The following CLINT1 variants were observed in gnomAD, a reference collection of about 807,000 sequenced individuals.
CLINT1 encodes clathrin interacting protein localized in the trans-Golgi region.
A neutral mutation model predicts 70.4 loss-of-function variants in CLINT1; 15 were observed. That is an observed-to-expected ratio of 0.21 (90% confidence interval 0.14 to 0.33). The LOEUF (loss-of-function observed/expected upper bound fraction) is 0.33. CLINT1 is among the 10% of genes least tolerant of loss of function. The pLI, the probability that CLINT1 is intolerant of heterozygous loss-of-function variation, is 1.00. For missense variants in CLINT1, 615 were observed against 778.1 expected (o/e 0.79, Z 2.49); for synonymous variants, 227 against 254.7 (o/e 0.89, Z 1.04).
chr5:157,850,612 CAAAAAA>C (rs67243040), intron 1 of CLINT1, among the ~76,000 whole-genome samples: 4 of 60,366 alleles, frequency 6.6e-5, no homozygotes, highest in African/African-American at 2.8e-4. Flanking sequence ...GACCCTGTCT[CAAAAAA>C]AAAAAAAAAA....
In CLINT1 at chr5:157,787,824, C is replaced by A; in HGVS notation, c.1700G>T (p.Gly567Val). The change falls in exon 12 of 12, where the codon GGA (glycine) becomes GTA (valine). Residue 567 changes from glycine to valine, a missense_variant. This residue lies in a region of CLINT1 where 374 missense variants were observed against 409.6 expected (regional missense o/e 0.91). Transcript: ENST00000411809. ...GCTCTGGTTCATCATCGGAGTATTT[C>A]CAAGAGGGGCCATTCCCATGGTGCC... ...MTGTMGMAPL[G>V]NTPMMNQSMM... 1 of 1,613,932 alleles carries A rather than the reference C, an allele frequency of 6.2e-7. No homozygotes were observed.
At position 157,787,880 on chromosome 5, in the gene CLINT1, G is replaced by A; in HGVS notation, c.1644C>T (p.Pro548=). The change falls in exon 12 of 12, where the codon CCC becomes CCT. Residue 548 remains proline, a synonymous_variant. Coordinates refer to ENST00000411809, the MANE Select transcript of CLINT1 (RefSeq NM_014666.4). Reference sequence around the variant, plus strand: ...TCACATTGGGCATGCTCATAGGCATGGGTCCCCCTATCAAAGCATTAGTTT... The same window carrying A: ...TCACATTGGGCATGCTCATAGGCATAGGTCCCCCTATCAAAGCATTAGTTT... The part of the protein sequence containing the change: ...RPQTNALIGG[P]MPMSMPNVMT... The A allele has an allele frequency of 6.2e-7, 1 of 1,613,838 alleles. No individual in the cohort carries two copies. The highest frequency in any genetic ancestry group is 8.5e-7 in the Non-Finnish European group (1 of 1,179,806).
At chr5:157,811,929 C>T (rs1342917449) in intron 5 of CLINT1, among the ~76,000 whole-genome samples, 1 of 151,964 alleles carries the variant, frequency 6.6e-6, no homozygotes, top group East Asian at 1.9e-4. Context: ...AACTTCAAAA[C>T]ATTATTTATA....
chr5:157,811,048 TAAA>T (rs1030334574), intron 5 of CLINT1, among the ~76,000 whole-genome samples: 1 of 152,142 alleles, frequency 6.6e-6, no homozygotes, highest in African/African-American at 2.4e-5. Context: ...ATGGTTTTTT[TAAA>T]AAAAGTGATT....
chr5:157,849,969 G>A (rs967940869), intron 1 of CLINT1, among the ~76,000 whole-genome samples: 8 of 152,228 alleles, frequency 5.3e-5, no homozygotes, highest in Non-Finnish European at 8.8e-5. Flanking sequence ...AGAGGCAGGA[G>A]ATGAATACAT....
At chr5:157,792,198 A>G (rs987234071) in intron 9 of CLINT1, among the ~76,000 whole-genome samples, 7 of 152,078 alleles carry the variant, frequency 4.6e-5, no homozygotes, top group African/African-American at 1.7e-4. Context: ...AAACCTCCCA[A>G]ATATAACGTA....
chr5:157,820,722 ATCCC>A (rs1430707314), intron 1 of CLINT1, among the ~76,000 whole-genome samples: 1 of 152,206 alleles, frequency 6.6e-6, no homozygotes, highest in African/African-American at 2.4e-5. Context: ...AAAGAAAACA[ATCCC>A]TCCGTGTTAA....
chr5:157,837,814 T>C (rs920360068), intron 1 of CLINT1, among the ~76,000 whole-genome samples: 3 of 151,852 alleles, frequency 2.0e-5, no homozygotes, highest in Non-Finnish European at 4.4e-5. Flanking sequence ...CTGCTAACTT[T>C]TGTGTTTTTA....
intron 1 of CLINT1, among the ~76,000 whole-genome samples, chr5:157,827,321 A>G (rs774776061): frequency 2.0e-5 from 3 of 152,190 alleles, no homozygotes; most frequent in Non-Finnish European, 4.4e-5. Flanking sequence ...TTATAGAAGC[A>G]AGGACTAAAA....
At chr5:157,808,179 G>T (rs1461788380) in intron 6 of CLINT1, among the ~76,000 whole-genome samples, 1 of 152,064 alleles carries the variant, frequency 6.6e-6, no homozygotes, top group Non-Finnish European at 1.5e-5. Context: ...TGTGGCCTGT[G>T]TAAGTTTTGG....
intron 8 of CLINT1, chr5:157,795,939 G>A (rs369183673): frequency 6.6e-6 from 1 of 152,478 alleles, no homozygotes; most frequent in Non-Finnish European, 1.5e-5. Context: ...GCTGAGGTGG[G>A]AGGACTGCTC....
At position 157,803,641 on chromosome 5, in the gene CLINT1, G is replaced by C; in HGVS notation, c.1012+9C>G. 6.7e-7 allele frequency: 1 copy of C among 1,484,552 alleles called. No individual in the cohort carries two copies. Among genetic ancestry groups the C allele is most frequent in the South Asian group, 1.5e-5 (1 of 67,196 alleles). The allele number at this position is 1,484,552 out of a possible 1,614,324, so 92.0% of individuals were successfully genotyped here. On this transcript the variant is annotated intron_variant, in intron 8 of 11. Coordinates refer to ENST00000411809, the MANE Select transcript of CLINT1 (RefSeq NM_014666.4). Reference sequence around the variant, plus strand: ...CAAACCAAAAGAAAAGGCCAATGTAGAAGCTTACCTGTTGACTGGCTGGTG... The same window carrying C: ...CAAACCAAAAGAAAAGGCCAATGTACAAGCTTACCTGTTGACTGGCTGGTG...
chr5:157,847,787 A>C (rs1453890266), intron 1 of CLINT1, among the ~76,000 whole-genome samples: 1 of 152,206 alleles, frequency 6.6e-6, no homozygotes, highest in Non-Finnish European at 1.5e-5. Flanking sequence ...CTGCCAGTGA[A>C]GAACATGGTT....
rs193279207 is a variant in CLINT1, at chr5:157,794,413, A to G, written c.1087+485T>C. 8.5e-5 allele frequency among the ~76,000 whole-genome samples: 13 copies of G among 152,350 alleles called. No homozygotes were observed. In the East Asian group the frequency reaches 1.5e-3, roughly 18 times the overall value. The stretch of plus-strand genomic sequence containing the variant: ...ATGAGAAAGTTTTGCATGAGGTTCA[A>G]CTGCTCATTTTAGGATATGTCAAAA... On this transcript the variant is annotated intron_variant, in intron 9 of 11. Transcript: ENST00000411809.
At chr5:157,855,642 A>G (rs1753734886) in intron 1 of CLINT1, among the ~76,000 whole-genome samples, 1 of 152,152 alleles carries the variant, frequency 6.6e-6, no homozygotes, top group Non-Finnish European at 1.5e-5. Flanking sequence ...CTTCCAGAAA[A>G]AGTCTTCAAG....
chr5:157,823,804 G>T, intron 1 of CLINT1: 1 of 481,920 alleles, frequency 2.1e-6, no homozygotes, highest in Non-Finnish European at 2.7e-6. Flanking sequence ...GGCCTGTTGG[G>T]AATGGGGCTG....
chr5:157,786,431 A>G lies in CLINT1; in HGVS notation c.*1215T>C, dbSNP rs1357752620. The G allele has an allele frequency of 1.3e-5, 2 of 152,578 alleles. No individual in the cohort carries two copies. The highest frequency in any genetic ancestry group is 2.9e-5 in the Non-Finnish European group (2 of 68,012). 9.5% of individuals were successfully genotyped at this position (152,578 alleles called of 1,614,324 possible). A position where few individuals can be genotyped will look rare whatever the true frequency, so the allele number is the denominator to read the frequency against. On this transcript the variant is annotated 3_prime_UTR_variant, in exon 12 of 12. Coordinates refer to ENST00000411809, the MANE Select transcript of CLINT1 (RefSeq NM_014666.4). ...TATCTATATTATAGTATTTATTTTG[A>G]AAAATATTCCCAGCTTGAGGGTAAA...
intron 10 of CLINT1, among the ~76,000 whole-genome samples, chr5:157,791,391 TATC>T (rs1402440953): frequency 1.3e-5 from 2 of 152,182 alleles, no homozygotes. Flanking sequence ...TTAAAAAAAC[TATC>T]AAGTACCAAT....
intron 8 of CLINT1, among the ~76,000 whole-genome samples, chr5:157,802,201 C>T (rs1179716042): frequency 6.6e-6 from 1 of 151,976 alleles, no homozygotes; most frequent in East Asian, 1.9e-4. Context: ...AGCCACAATT[C>T]GGCTTTGAAA....
Sources: gnomAD v4.1 joint callset for allele counts (sites outside exome capture counted in the v4.1 genomes callset) on GRCh38, gnomAD v4.1.1 for gene constraint, gnomAD v4.1.1 regional missense constraint, MANE v1.5 for transcripts, NCBI Gene and HGNC (gene_info 2026-07-23, HGNC 2026-07-21) for gene names.